Variants in SLC2A13 observed in about 807,000 individuals in gnomAD.
The protein encoded by SLC2A13 is proton myo-inositol cotransporter.
SLC2A13 carries 32 observed loss-of-function variants against 64.4 expected under a neutral mutation model. The ratio of observed to expected loss-of-function variants is 0.50; its 90% CI spans 0.37 to 0.67. The LOEUF (loss-of-function observed/expected upper bound fraction) is 0.67. SLC2A13 is among the 30% of genes least tolerant of loss of function. SLC2A13 has a pLI of 0.00. For missense variants in SLC2A13, 743 were observed against 829.2 expected (o/e 0.90, Z 1.28); for synonymous variants, 338 against 327.1 (o/e 1.03, Z -0.36).
chr12:39,858,494 CATA>C (rs1471894239), intron 6 of SLC2A13, among the ~76,000 whole-genome samples: 1 of 152,116 alleles, frequency 6.6e-6, no homozygotes, highest in Non-Finnish European at 1.5e-5. Context: ...CAATTCACAG[CATA>C]ATATTATATT....
At chr12:39,809,832 T>C (rs1202054309) in intron 7 of SLC2A13, among the ~76,000 whole-genome samples, 1 of 152,240 alleles carries the variant, frequency 6.6e-6, no homozygotes, top group Non-Finnish European at 1.5e-5. Context: ...ACAAAGGACA[T>C]GAACTCATCC....
At chr12:39,980,642 CACCCA>C (rs1457440273) in intron 3 of SLC2A13, among the ~76,000 whole-genome samples, 1 of 149,830 alleles carries the variant, frequency 6.7e-6, no homozygotes, top group Non-Finnish European at 1.5e-5. Flanking sequence ...AATATATATG[CACCCA>C]ATACAGGAGC....
chr12:39,862,369 AATGAACTGCATACTC>A (rs2135921245), intron 6 of SLC2A13, among the ~76,000 whole-genome samples: 1 of 152,338 alleles, frequency 6.6e-6, no homozygotes, highest in Admixed American at 6.5e-5. Context: ...CTCTAGTAAG[AATGAACTGCATACTC>A]ATCACTGTGG....
At chr12:39,951,928 TAAAG>T (rs749009955) in intron 3 of SLC2A13, among the ~76,000 whole-genome samples, 3 of 152,096 alleles carry the variant, frequency 2.0e-5, no homozygotes, top group South Asian at 2.1e-4. Context: ...AAAAAGTTAA[TAAAG>T]AAAAACAATT....
At chr12:39,824,672 C>T (rs952889033) in intron 7 of SLC2A13, among the ~76,000 whole-genome samples, 1 of 152,136 alleles carries the variant, frequency 6.6e-6, no homozygotes, top group Admixed American at 6.5e-5. Flanking sequence ...AGTGTCAGCC[C>T]TGTGAGGTGT....
At chr12:39,955,631 G>A (rs1428747092) in intron 3 of SLC2A13, among the ~76,000 whole-genome samples, 44 of 152,064 alleles carry the variant, frequency 2.9e-4, no homozygotes, top group Admixed American at 2.9e-3. Context: ...TATCTTAGAT[G>A]TCAAAAATAA....
At chr12:39,939,821 T>C (rs762675389) in intron 4 of SLC2A13, among the ~76,000 whole-genome samples, 7 of 152,216 alleles carry the variant, frequency 4.6e-5, no homozygotes, top group Non-Finnish European at 1.0e-4. Flanking sequence ...GCTTAAAGTA[T>C]TACTATTTCA....
At chr12:40,016,092 T>C (rs35220137) in intron 3 of SLC2A13, among the ~76,000 whole-genome samples, 6,786 of 152,300 alleles carry the variant, frequency 0.045, 201 homozygotes, top group Non-Finnish European at 0.061. Flanking sequence ...AATTATATTA[T>C]TCCTCTTTGC....
At chr12:39,955,339 G>C (rs1946297977) in intron 3 of SLC2A13, among the ~76,000 whole-genome samples, 1 of 152,166 alleles carries the variant, frequency 6.6e-6, no homozygotes, top group South Asian at 2.1e-4. Flanking sequence ...GAGCTAAAGT[G>C]TAACAGGTAA....
chr12:40,020,716 G>A (rs1229147452), intron 3 of SLC2A13, among the ~76,000 whole-genome samples: 4 of 151,924 alleles, frequency 2.6e-5, no homozygotes, highest in African/African-American at 9.7e-5. Flanking sequence ...AGGACCTTCT[G>A]GTAACCTTCT....
chr12:39,795,206 CTGTG>C (rs947148560), intron 7 of SLC2A13, among the ~76,000 whole-genome samples: 1 of 150,708 alleles, frequency 6.6e-6, no homozygotes. Flanking sequence ...CTCTCTCTCT[CTGTG>C]TGTGTCACAT....
At chr12:40,022,292 T>C (rs112934085) in intron 3 of SLC2A13, among the ~76,000 whole-genome samples, 152 of 152,338 alleles carry the variant, frequency 1.0e-3, no homozygotes, top group South Asian at 6.6e-3. Flanking sequence ...GCTTGCATAT[T>C]TTCACATAGA....
chr12:40,068,108 CTA>C (rs1937807959), intron 1 of SLC2A13: 1 of 181,146 alleles, frequency 5.5e-6, no homozygotes, highest in East Asian at 1.8e-4. Context: ...CAGGGTCTCA[CTA>C]TGTTGCCCAG....
At chr12:40,084,451 A>T (rs545949885) in intron 1 of SLC2A13, among the ~76,000 whole-genome samples, 1 of 152,220 alleles carries the variant, frequency 6.6e-6, no homozygotes, top group East Asian at 1.9e-4. Flanking sequence ...AACAAGAAAC[A>T]CACAAATAGC....
At chr12:39,945,660 C>A (rs561946626) in intron 4 of SLC2A13, among the ~76,000 whole-genome samples, 2 of 152,186 alleles carry the variant, frequency 1.3e-5, no homozygotes, top group African/African-American at 2.4e-5. Flanking sequence ...CTTCCCAGAG[C>A]ATTTTGCATT....
intron 1 of SLC2A13, among the ~76,000 whole-genome samples, chr12:40,096,711 T>C (rs1429547018): frequency 1.3e-5 from 2 of 151,974 alleles, no homozygotes; most frequent in Non-Finnish European, 2.9e-5. Context: ...CATCCTATAC[T>C]GGTTTTAATA....
chr12:40,074,165 CAT>C (rs1491261146), intron 1 of SLC2A13, among the ~76,000 whole-genome samples: 13 of 90,522 alleles, frequency 1.4e-4, no homozygotes, highest in African/African-American at 5.4e-4. Flanking sequence ...CCATCAAAGA[CAT>C]TTTTTTTTTT....
chr12:39,894,475 A>G (rs1944689232), intron 4 of SLC2A13, among the ~76,000 whole-genome samples: 1 of 152,020 alleles, frequency 6.6e-6, no homozygotes, highest in African/African-American at 2.4e-5. Context: ...TAAAGAGAAT[A>G]ACAAACAGGG....
chr12:39,936,428 A>T (rs1351431476), intron 4 of SLC2A13, among the ~76,000 whole-genome samples: 3 of 152,160 alleles, frequency 2.0e-5, no homozygotes. Flanking sequence ...AATAACAGCA[A>T]AAAACCTTGG....
Sources: gnomAD v4.1 joint callset for allele counts (sites outside exome capture counted in the v4.1 genomes callset) on GRCh38, gnomAD v4.1.1 for gene constraint, MANE v1.5 for transcripts, NCBI Gene and HGNC (gene_info 2026-07-23, HGNC 2026-07-21) for gene names.